The following RPRD1B variants were observed in gnomAD, a reference collection of about 807,000 sequenced individuals.
RPRD1B encodes regulation of nuclear pre-mRNA domain-containing protein 1B.
RPRD1B carries 11 observed loss-of-function variants against 41.5 expected under a neutral mutation model. That is an observed-to-expected ratio of 0.27 (90% CI 0.17 to 0.44). RPRD1B has a LOEUF of 0.44. Ranked by LOEUF, RPRD1B falls within the 20% of genes least tolerant of loss-of-function variation. The probability of loss-of-function intolerance (pLI) is 1.00; values close to 1 mark genes in which losing one functional copy is unlikely to be tolerated. For synonymous variants in RPRD1B, 158 were observed against 155.6 expected (o/e 1.02, Z -0.12); for missense variants, 248 against 389.9 (o/e 0.64, Z 3.06).
intron 5 of RPRD1B, among the ~76,000 whole-genome samples, chr20:38,065,282 A>ATGTAGTT (rs1434636987): frequency 6.6e-6 from 1 of 152,190 alleles, no homozygotes; most frequent in East Asian, 1.9e-4. Flanking sequence ...GAAACCTGTC[A>ATGTAGTT]TGTAGTTTTT....
At chr20:38,042,015 T>C (rs2074071274) in intron 2 of RPRD1B, among the ~76,000 whole-genome samples, 1 of 139,580 alleles carries the variant, frequency 7.2e-6, no homozygotes, top group Non-Finnish European at 1.5e-5. Context: ...TGGTCTGCCC[T>C]GACACAGTAG....
At chr20:38,065,399 C>G (rs988057266) in intron 5 of RPRD1B, among the ~76,000 whole-genome samples, 1 of 152,148 alleles carries the variant, frequency 6.6e-6, no homozygotes, top group African/African-American at 2.4e-5. Flanking sequence ...ATAGTGGTCC[C>G]TCCATATCCA....
chr20:38,060,409 C>T (rs141394655), intron 5 of RPRD1B, among the ~76,000 whole-genome samples: 1 of 152,280 alleles, frequency 6.6e-6, no homozygotes, highest in East Asian at 1.9e-4. Flanking sequence ...GAAATATTTC[C>T]CTCAACAAAT....
chr20:38,061,246 C>T (rs188033868), intron 5 of RPRD1B, among the ~76,000 whole-genome samples: 104 of 152,282 alleles, frequency 6.8e-4, no homozygotes, highest in Admixed American at 1.0e-3. Flanking sequence ...TTCGTCTTGC[C>T]AAACTGAAAC....
At chr20:38,074,176 T>G (rs1220021485) in intron 6 of RPRD1B, among the ~76,000 whole-genome samples, 1 of 152,200 alleles carries the variant, frequency 6.6e-6, no homozygotes, top group Non-Finnish European at 1.5e-5. Context: ...TTTATTTTCT[T>G]TTTTTCCGCC....
At chr20:38,050,038 A>G (rs748048192) in intron 3 of RPRD1B, among the ~76,000 whole-genome samples, 4 of 152,020 alleles carry the variant, frequency 2.6e-5, no homozygotes, top group Non-Finnish European at 5.9e-5. Context: ...CAAGAATGCA[A>G]CTCTCATTCT....
intron 3 of RPRD1B, among the ~76,000 whole-genome samples, chr20:38,054,371 T>C (rs2074219157): frequency 1.3e-5 from 2 of 152,220 alleles, no homozygotes; most frequent in African/African-American, 4.8e-5. Context: ...TTAACACCTA[T>C]TGTGCCCTCT....
intron 3 of RPRD1B, among the ~76,000 whole-genome samples, chr20:38,053,043 G>A (rs2074204253): frequency 6.6e-6 from 1 of 152,012 alleles, no homozygotes; most frequent in Admixed American, 6.5e-5. Context: ...AGAATAGAAG[G>A]TGCCCAGTAT....
Position 38,090,461 on chromosome 20 carries a change from T to G in RPRD1B, c.*586T>G, listed in dbSNP as rs760053099. 1.3e-4 allele frequency: 128 copies of G among 985,878 alleles called. No homozygotes were observed. The highest frequency in any genetic ancestry group is 1.5e-4 in the Non-Finnish European group (125 of 830,012). The allele number at this position is 985,878 out of a possible 1,614,324, so 61.1% of individuals were successfully genotyped here. On this transcript the variant is annotated 3_prime_UTR_variant, in exon 7 of 7. Transcript: ENST00000373433. ...GTGATGCACGAAGATTAGGTGCATT[T>G]ATTTTGTAAACAGATTGGAGAATCT...
intron 3 of RPRD1B, among the ~76,000 whole-genome samples, chr20:38,053,025 T>A (rs1463149492): frequency 6.6e-6 from 1 of 151,926 alleles, no homozygotes; most frequent in Non-Finnish European, 1.5e-5. Context: ...AGGGACAAGT[T>A]GGAGGATAGA....
chr20:38,082,382 G>GTTTTGT (rs1002807091), intron 6 of RPRD1B, among the ~76,000 whole-genome samples: 2 of 151,992 alleles, frequency 1.3e-5, no homozygotes, highest in South Asian at 2.1e-4. Flanking sequence ...TTTTGTTGTT[G>GTTTTGT]TTTTGTTTTT....
At chr20:38,063,249 C>G (rs1342007812) in intron 5 of RPRD1B, among the ~76,000 whole-genome samples, 1 of 152,156 alleles carries the variant, frequency 6.6e-6, no homozygotes, top group Non-Finnish European at 1.5e-5. Flanking sequence ...GTTGATCCCC[C>G]CCACCTTCCA....
In RPRD1B at chr20:38,036,569, C is replaced by T. The variant is rs541211254; in HGVS notation, c.151+2471C>T. On this transcript the variant is annotated intron_variant, in intron 1 of 6. Transcript: ENST00000373433. Reference sequence around the variant, plus strand: ...TTATTTGCAACACCACAGGATATCGCGTGGTGCCTGTTATATAGTTTAAAA... The same window carrying T: ...TTATTTGCAACACCACAGGATATCGTGTGGTGCCTGTTATATAGTTTAAAA... Among the ~76,000 whole-genome samples the T allele has an allele frequency of 5.3e-4, 80 of 152,290 alleles. 1 individual carries two copies. Among genetic ancestry groups the T allele is most frequent in the African/African-American group, 1.7e-3 (72 of 41,560 alleles).
intron 5 of RPRD1B, among the ~76,000 whole-genome samples, chr20:38,065,206 A>G (rs1194464817): frequency 2.6e-5 from 4 of 152,196 alleles, no homozygotes; most frequent in South Asian, 2.1e-4. Flanking sequence ...AGTTTAAGAG[A>G]TAGAGTGCTA....
chr20:38,070,248 A>G (rs1433715321), intron 6 of RPRD1B: 6 of 985,140 alleles, frequency 6.1e-6, no homozygotes, highest in East Asian at 2.3e-4. Context: ...ACTTTGGCCT[A>G]TGATGTTGGC....
At chr20:38,052,752 G>GTTTTTTTTTTT (rs146687415) in intron 3 of RPRD1B, among the ~76,000 whole-genome samples, 1 of 81,702 alleles carries the variant, frequency 1.2e-5, no homozygotes, top group African/African-American at 4.8e-5. Flanking sequence ...CAAACGCGGT[G>GTTTTTTTTTTT]TTTTTTTTTT....
At chr20:38,067,995 G>T (rs1327884631) in intron 6 of RPRD1B, among the ~76,000 whole-genome samples, 1 of 152,240 alleles carries the variant, frequency 6.6e-6, no homozygotes, top group African/African-American at 2.4e-5. Context: ...TCTTTGAGGA[G>T]ATCGGGTTGG....
At chr20:38,087,043 G>GCC (rs200907420) in intron 6 of RPRD1B, among the ~76,000 whole-genome samples, 5 of 151,850 alleles carry the variant, frequency 3.3e-5, no homozygotes, top group African/African-American at 1.2e-4. Flanking sequence ...CACAACCTCT[G>GCC]CCCCGCCGGG....
At chr20:38,070,173 A>T (rs2074397686) in intron 6 of RPRD1B, 2 of 983,856 alleles carry the variant, frequency 2.0e-6, no homozygotes, top group Non-Finnish European at 2.4e-6. Context: ...ATTATGCTTT[A>T]TTCTGAGATA....
Sources: allele counts gnomAD v4.1 joint callset (sites outside exome capture counted in the v4.1 genomes callset), GRCh38; gene constraint gnomAD v4.1.1; transcripts MANE v1.5; gene names NCBI Gene and HGNC (gene_info 2026-07-23, HGNC 2026-07-21).